LARP1B: variants seen among roughly 807,000 people sequenced by gnomAD.
The protein encoded by LARP1B is La ribonucleoprotein 1B, also known as la-related protein 1B.
In LARP1B, 76 loss-of-function variants were observed where a neutral mutation model predicts 114.2. That is an observed-to-expected ratio of 0.67 (90% CI 0.55 to 0.81). The LOEUF is 0.81. Ranked by LOEUF, LARP1B falls within the 30% of genes least tolerant of loss-of-function variation. The probability of loss-of-function intolerance (pLI) is 0.00; values close to 1 mark genes in which losing one functional copy is unlikely to be tolerated. For synonymous variants in LARP1B, 345 were observed against 348.0 expected (o/e 0.99, Z 0.10); for missense variants, 1,014 against 1,075.8 (o/e 0.94, Z 0.80).
intron 12 of LARP1B, among the ~76,000 whole-genome samples, chr4:128,172,562 G>A (rs558391881): frequency 1.1e-3 from 167 of 151,846 alleles, no homozygotes; most frequent in Non-Finnish European, 1.8e-3. Context: ...GTGTGGTGGC[G>A]CACACCTATA....
chr4:128,064,472 G>C (rs947753152), intron 1 of LARP1B, among the ~76,000 whole-genome samples: 1 of 152,056 alleles, frequency 6.6e-6, no homozygotes, highest in Non-Finnish European at 1.5e-5. Context: ...TTTAATATTG[G>C]CATAATTCCT....
intron 11 of LARP1B, among the ~76,000 whole-genome samples, chr4:128,157,998 CACA>C (rs770556317): frequency 9.9e-5 from 15 of 152,034 alleles, no homozygotes; most frequent in Non-Finnish European, 1.6e-4. Context: ...TGGCAATAAA[CACA>C]ACAACGCTGG....
At chr4:128,119,558 G>A (rs1184914515) in intron 10 of LARP1B, among the ~76,000 whole-genome samples, 1 of 152,178 alleles carries the variant, frequency 6.6e-6, no homozygotes, top group East Asian at 1.9e-4. Flanking sequence ...TGTTCCAGCT[G>A]TGTTCTATAG....
chr4:128,113,632 C>T (rs12505002), intron 9 of LARP1B, among the ~76,000 whole-genome samples: 25,926 of 151,894 alleles, frequency 0.17, 2,810 homozygotes, highest in Middle Eastern at 0.3. Flanking sequence ...TGAGCCACTG[C>T]GCCTGGCTGC....
At chr4:128,150,581 C>T (rs1732335978) in intron 11 of LARP1B, among the ~76,000 whole-genome samples, 1 of 152,128 alleles carries the variant, frequency 6.6e-6, no homozygotes, top group African/African-American at 2.4e-5. Flanking sequence ...ATGTGAGCCA[C>T]TGCACCCAAC....
At chr4:128,107,626 A>T in intron 9 of LARP1B, 1 of 1,406,152 alleles carries the variant, frequency 7.1e-7, no homozygotes, top group Non-Finnish European at 9.2e-7. Context: ...CCCCTGTAAA[A>T]TTGGAATAGT....
Position 128,107,608 on chromosome 4 carries a change from A to T in LARP1B, c.988+295A>T, listed in dbSNP as rs1782555330. ...TTTTACTAAATAACTATAGATATGT[A>T]TCGTTTTCCCCTGTAAAATTGGAAT... On this transcript the variant is annotated intron_variant, in intron 9 of 19. Transcript: ENST00000326639. The T allele has an allele frequency of 2.2e-6, 3 of 1,392,334 alleles. No homozygotes were observed. The South Asian group carries it at 5.0e-5, about 23-fold the overall frequency. The allele number at this position is 1,392,334 out of a possible 1,614,324, so 86.2% of individuals were successfully genotyped here.
chr4:128,119,894 C>T (rs1296792527), intron 10 of LARP1B, among the ~76,000 whole-genome samples: 1 of 152,158 alleles, frequency 6.6e-6, no homozygotes, highest in Non-Finnish European at 1.5e-5. Flanking sequence ...AAGTCATCTT[C>T]AACCCCTAAT....
intron 14 of LARP1B, among the ~76,000 whole-genome samples, chr4:128,178,948 TG>T: frequency 6.6e-6 from 1 of 151,956 alleles, no homozygotes; most frequent in Non-Finnish European, 1.5e-5. Flanking sequence ...AAAAATTAGA[TG>T]GGCGTGGTGG....
At position 128,178,736 on chromosome 4, in the gene LARP1B, G is replaced by A. The variant is rs1408223572; in HGVS notation, c.1896+94G>A. 4.5e-6 allele frequency: 4 copies of A among 886,002 alleles called. No individual in the cohort carries two copies. The Admixed American group carries it at 7.4e-5, about 16-fold the overall frequency. 54.9% of individuals were successfully genotyped at this position (886,002 alleles called of 1,614,324 possible). On this transcript the variant is annotated intron_variant, in intron 14 of 19. Transcript: ENST00000326639. ...TAGTTTCTATCACATTGAAAAATGT[G>A]TGTTATAACTTGTAATATTTCACTT...
chr4:128,199,335 TC>T, intron 15 of LARP1B, 103 bp from the exon 16 acceptor site: 1 of 817,828 alleles, frequency 1.2e-6, no homozygotes, highest in Admixed American at 3.4e-5. Context: ...TACTGTCTTT[TC>T]CACTGCTTAG....
chr4:128,129,202 A>AAAAAAAAAAAAAAAAT, intron 11 of LARP1B, among the ~76,000 whole-genome samples: 1 of 132,766 alleles, frequency 7.5e-6, no homozygotes, highest in African/African-American at 2.9e-5. Context: ...AAAAAAAAAA[A>AAAAAAAAAAAAAAAAT]AATTCAGCCG....
intron 9 of LARP1B, among the ~76,000 whole-genome samples, chr4:128,113,662 T>C (rs1298026313): frequency 1.3e-5 from 2 of 152,176 alleles, no homozygotes; most frequent in African/African-American, 4.8e-5. Flanking sequence ...TTTATCATTT[T>C]GATTAAAAAT....
Position 128,176,974 on chromosome 4 carries a change from A to G in LARP1B, c.1684+67A>G, listed in dbSNP as rs1746511878. The G allele has an allele frequency of 2.2e-6, 3 of 1,352,560 alleles. No individual in the cohort carries two copies. In the Admixed American group the frequency reaches 5.0e-5, roughly 23 times the overall value. The allele number at this position is 1,352,560 out of a possible 1,614,324, so 83.8% of individuals were successfully genotyped here. Reference sequence around the variant, plus strand: ...TTTGCATTGGGTATACAAAAGATGCAGGAAAGGGACTTTCAGACAGAAGAA... The same window carrying G: ...TTTGCATTGGGTATACAAAAGATGCGGGAAAGGGACTTTCAGACAGAAGAA... On this transcript the variant is annotated intron_variant, in intron 13 of 19. Transcript: ENST00000326639.
chr4:128,144,510 GTTTT>G (rs982443758), intron 11 of LARP1B, among the ~76,000 whole-genome samples: 1 of 150,848 alleles, frequency 6.6e-6, no homozygotes. Context: ...GGTTCTTTCT[GTTTT>G]TTTTGTTTTG....
chr4:128,065,345 CTTTTCTTTTCT>C (rs1762371764), intron 1 of LARP1B, among the ~76,000 whole-genome samples: 6 of 111,180 alleles, frequency 5.4e-5, no homozygotes, highest in African/African-American at 2.2e-4. Context: ...CCTTTCTTTT[CTTTTCTTTTCT>C]TTTCTTTTCT....
intron 3 of LARP1B, 70 bp downstream of exon 3, chr4:128,075,063 ATTTT>A: frequency 1.9e-6 from 2 of 1,032,334 alleles, no homozygotes; most frequent in Non-Finnish European, 1.5e-6. Flanking sequence ...GCAGAATTTT[ATTTT>A]ACTTAAAATG....
chr4:128,090,801 C>G (rs1028676265), intron 5 of LARP1B, among the ~76,000 whole-genome samples, 200 bp from the exon 6 acceptor site: 5 of 152,006 alleles, frequency 3.3e-5, no homozygotes, highest in Non-Finnish European at 5.9e-5. Flanking sequence ...GTGTCAGTAC[C>G]TTTTAGGCTC....
At chr4:128,062,013 C>T (rs1760315840) in intron 1 of LARP1B, 4 of 985,142 alleles carry the variant, frequency 4.1e-6, no homozygotes, top group Non-Finnish European at 4.8e-6. Context: ...CCGCCACCGC[C>T]ACCGCCGCCG....
Sources: allele counts gnomAD v4.1 joint callset (sites outside exome capture counted in the v4.1 genomes callset), GRCh38; gene constraint gnomAD v4.1.1; transcripts MANE v1.5; gene names NCBI Gene and HGNC (gene_info 2026-07-23, HGNC 2026-07-21).